The following MBNL1 variants were observed in gnomAD, a reference collection of about 807,000 sequenced individuals.
MBNL1 encodes the protein muscleblind like splicing regulator 1, also known as muscleblind-like protein 1.
In MBNL1, 8 loss-of-function variants were observed where a neutral mutation model predicts 42.2. The ratio of observed to expected loss-of-function variants is 0.19; its 90% CI spans 0.11 to 0.34. MBNL1 has a LOEUF of 0.34. Among genes scored for constraint, MBNL1 ranks in the 10% least tolerant of loss-of-function variants. MBNL1 has a pLI of 1.00. For synonymous variants in MBNL1, 169 were observed against 173.9 expected (o/e 0.97, Z 0.22); for missense variants, 309 against 495.3 (o/e 0.62, Z 3.57).
chr3:152,325,236 C>T (rs888385299), intron 2 of MBNL1, among the ~76,000 whole-genome samples: 1 of 151,860 alleles, frequency 6.6e-6, no homozygotes, highest in Non-Finnish European at 1.5e-5. Flanking sequence ...AGCTTCTCCT[C>T]ACTCTAGACC....
intron 2 of MBNL1, among the ~76,000 whole-genome samples, chr3:152,331,805 C>T (rs2084799775): frequency 1.3e-5 from 2 of 152,198 alleles, no homozygotes; most frequent in South Asian, 4.1e-4. Flanking sequence ...ATTCTTCAGT[C>T]TCAGCCTCCC....
chr3:152,367,827 C>T (rs1201679824), intron 2 of MBNL1, among the ~76,000 whole-genome samples: 1 of 151,938 alleles, frequency 6.6e-6, no homozygotes, highest in Non-Finnish European at 1.5e-5. Flanking sequence ...TATATGTCTT[C>T]TTTTGAGAAA....
chr3:152,459,437 C>T, intron 9 of MBNL1, 92 bp downstream of exon 9: 1 of 509,724 alleles, frequency 2.0e-6, no homozygotes, highest in Non-Finnish European at 3.4e-6. Flanking sequence ...TGCGAAATCT[C>T]TGAGAAAATA....
At chr3:152,261,764 A>C (rs2036323865) in intron 2 of MBNL1, among the ~76,000 whole-genome samples, 1 of 152,204 alleles carries the variant, frequency 6.6e-6, no homozygotes, top group Non-Finnish European at 1.5e-5. Flanking sequence ...TGTTGCTAGG[A>C]CAATATTTGT....
Position 152,256,264 on chromosome 3 carries a change from T to G in MBNL1, n.333+11824T>G, listed in dbSNP as rs1204438532. 2.0e-5 allele frequency among the ~76,000 whole-genome samples: 3 copies of G among 152,186 alleles called. No homozygotes were observed. In the East Asian group the frequency reaches 5.8e-4, roughly 29 times the overall value. On this transcript the variant is annotated intron_variant and non_coding_transcript_variant, in intron 2 of 2. Transcript: ENST00000477171. ...AAAGGGGCTCAGGTATTATTTAAAT[T>G]TGTAAACTCAATGTTTTCAGCAAAA...
chr3:152,282,408 A>G (rs2049024426), intron 1 of MBNL1, among the ~76,000 whole-genome samples: 1 of 152,118 alleles, frequency 6.6e-6, no homozygotes, highest in Non-Finnish European at 1.5e-5. Flanking sequence ...TGGCAAGAAA[A>G]TTAAGCACCT....
chr3:152,297,296 T>C (rs2058987580), intron 1 of MBNL1, among the ~76,000 whole-genome samples: 2 of 145,568 alleles, frequency 1.4e-5, no homozygotes, highest in South Asian at 4.4e-4. Flanking sequence ...CATTAAGACC[T>C]AGGAACTTTT....
At chr3:152,356,228 T>C (rs1032851277) in intron 2 of MBNL1, among the ~76,000 whole-genome samples, 1 of 148,882 alleles carries the variant, frequency 6.7e-6, no homozygotes, top group Non-Finnish European at 1.5e-5. Context: ...CAGCACACTT[T>C]TTTAATTAAA....
Position 152,447,754 on chromosome 3 carries a change from T to C in MBNL1, c.942T>C (p.His314=). The C allele has an allele frequency of 6.2e-7, 1 of 1,613,626 alleles. No homozygotes were observed. Among genetic ancestry groups the C allele is most frequent in the Non-Finnish European group, 8.5e-7 (1 of 1,179,636 alleles). ...QALANMQLQQ[H]TAFLPPGSIL... ...TAGCCAACATGCAGTTACAACAGCATACAGCATTTCTCCCACCAGGTAAGG... is the reference window on the plus strand; with the variant it reads ...TAGCCAACATGCAGTTACAACAGCACACAGCATTTCTCCCACCAGGTAAGG... The change falls in exon 6 of 10, where the codon CAT becomes CAC. Residue 314 remains histidine (H), a synonymous_variant. Coordinates refer to ENST00000324210, the MANE Select transcript of MBNL1 (RefSeq NM_021038.5).
chr3:152,417,951 A>G (rs2098730877), intron 3 of MBNL1, among the ~76,000 whole-genome samples: 1 of 152,322 alleles, frequency 6.6e-6, no homozygotes, highest in South Asian at 2.1e-4. Flanking sequence ...ATTGTGAGTG[A>G]CGAGGTCTAT....
chr3:152,463,923 T>TGA lies in MBNL1; in HGVS notation c.*1564_*1565dup, dbSNP rs1019668207. The TGA allele has an allele frequency of 6.6e-6, 1 of 152,488 alleles. No individual in the cohort carries two copies. 9.4% of individuals were successfully genotyped at this position (152,488 alleles called of 1,614,324 possible). ...CAAGTTTACTGCAAGTTTTTATGCT[T>TGA]GAGAGAGATGCTTTCTAATATAAGA... is the stretch of plus-strand genomic sequence containing the variant. On this transcript the variant is annotated 3_prime_UTR_variant, in exon 10 of 10. Transcript: ENST00000324210.
chr3:152,371,473 T>C (rs756761139), intron 2 of MBNL1, among the ~76,000 whole-genome samples: 1 of 152,122 alleles, frequency 6.6e-6, no homozygotes, highest in Non-Finnish European at 1.5e-5. Flanking sequence ...GGCACATGCC[T>C]GTAATCCCAA....
At chr3:152,385,623 A>G (rs1479518344) in intron 2 of MBNL1, among the ~76,000 whole-genome samples, 1 of 152,116 alleles carries the variant, frequency 6.6e-6, no homozygotes, top group Non-Finnish European at 1.5e-5. Context: ...CATAAGTCAT[A>G]GGATCTTTTC....
chr3:152,454,863 A>G (rs1730522099), intron 6 of MBNL1, among the ~76,000 whole-genome samples: 1 of 152,156 alleles, frequency 6.6e-6, no homozygotes. Flanking sequence ...TTCCCCCTTA[A>G]TGCTTTTCCT....
chr3:152,419,837 G>C (rs1580069524), intron 3 of MBNL1, among the ~76,000 whole-genome samples: 1 of 152,064 alleles, frequency 6.6e-6, no homozygotes, highest in African/African-American at 2.4e-5. Flanking sequence ...CACCCCCATG[G>C]AGCCCAACAA....
chr3:152,419,680 A>C (rs907054038), intron 3 of MBNL1, among the ~76,000 whole-genome samples: 1 of 116,850 alleles, frequency 8.6e-6, no homozygotes, highest in African/African-American at 3.1e-5. Context: ...TGGCTGCAGG[A>C]GTTTTTTTGT....
chr3:152,449,991 G>T (rs569900262), intron 6 of MBNL1, among the ~76,000 whole-genome samples: 3 of 151,442 alleles, frequency 2.0e-5, no homozygotes, highest in African/African-American at 7.3e-5. Context: ...TGTAATCCCA[G>T]CTACTTGGGA....
chr3:152,422,268 C>CAAAAAAAAA (rs200584264), intron 3 of MBNL1, among the ~76,000 whole-genome samples: 1 of 103,034 alleles, frequency 9.7e-6, no homozygotes, highest in African/African-American at 3.6e-5. Context: ...AAATGGAAAG[C>CAAAAAAAAA]AAAAAAAAAA....
intron 2 of MBNL1, among the ~76,000 whole-genome samples, chr3:152,343,603 A>G (rs2093726268): frequency 6.6e-6 from 1 of 152,122 alleles, no homozygotes; most frequent in Non-Finnish European, 1.5e-5. Context: ...GGGGTTAGAA[A>G]TCGAGGCTGC....
Sources: gnomAD v4.1 joint callset for allele counts (sites outside exome capture counted in the v4.1 genomes callset) on GRCh38, gnomAD v4.1.1 for gene constraint, MANE v1.5 for transcripts, NCBI Gene and HGNC (gene_info 2026-07-23, HGNC 2026-07-21) for gene names.